Variants in GTF2H3 observed in about 807,000 individuals in gnomAD.
The protein encoded by GTF2H3 is general transcription factor IIH subunit 3, also known as TFIIH basal transcription factor complex p34 subunit.
In GTF2H3, 42 loss-of-function variants were observed where a neutral mutation model predicts 51.1. That is an observed-to-expected ratio of 0.82 (90% confidence interval 0.64 to 1.06). The LOEUF is 1.06. Among genes scored for constraint, GTF2H3 ranks in the 50% least tolerant of loss-of-function variants. The probability of loss-of-function intolerance (pLI) is 0.00; values close to 1 mark genes in which losing one functional copy is unlikely to be tolerated. For missense variants in GTF2H3, 326 were observed against 366.1 expected, an observed-to-expected ratio of 0.89 and a Z score of 0.89; for synonymous variants, 123 against 123.8, an observed-to-expected ratio of 0.99 and a Z score of 0.04.
At chr12:123,635,876 G>C (rs949497742) in intron 1 of GTF2H3, among the ~76,000 whole-genome samples, 6 of 152,334 alleles carry the variant, frequency 3.9e-5, no homozygotes, top group Middle Eastern at 3.4e-3. Flanking sequence ...GCTGTGGGTT[G>C]TCAGAGGTGG....
At chr12:123,650,103 A>G in intron 4 of GTF2H3, 1 of 152,252 alleles carries the variant, frequency 6.6e-6, no homozygotes, top group East Asian at 1.9e-4. Context: ...GCTTCACAGT[A>G]TAGTGCTCAA....
chr12:123,655,150 A>G (rs905535382), intron 8 of GTF2H3, 152 bp downstream of exon 8: 1 of 655,718 alleles, frequency 1.5e-6, no homozygotes, highest in South Asian at 1.9e-5. Context: ...TCTTTTCTCT[A>G]TTTTGGGTCC....
intron 7 of GTF2H3, among the ~76,000 whole-genome samples, chr12:123,654,338 G>A (rs1158228395): frequency 2.0e-5 from 3 of 151,332 alleles, no homozygotes; most frequent in Non-Finnish European, 4.4e-5. Context: ...TGTGTGTTGG[G>A]TGTGTGTATT....
chr12:123,637,664 G>A (rs184661890), intron 1 of GTF2H3, among the ~76,000 whole-genome samples: 25 of 151,806 alleles, frequency 1.6e-4, no homozygotes, highest in African/African-American at 3.6e-4. Flanking sequence ...CACCATGCCC[G>A]GCTAATATTT....
At chr12:123,644,627 C>T (rs190461858) in intron 2 of GTF2H3, among the ~76,000 whole-genome samples, 1 of 151,468 alleles carries the variant, frequency 6.6e-6, no homozygotes, top group South Asian at 2.1e-4. Context: ...GATCAGGCCA[C>T]TGCACTCCAG....
At chr12:123,635,881 A>G (rs1475348065) in intron 1 of GTF2H3, among the ~76,000 whole-genome samples, 1 of 152,214 alleles carries the variant, frequency 6.6e-6, no homozygotes, top group African/African-American at 2.4e-5. Flanking sequence ...GGGTTGTCAG[A>G]GGTGGGCAGT....
chr12:123,644,065 A>AGGT, intron 2 of GTF2H3, among the ~76,000 whole-genome samples: 1 of 152,242 alleles, frequency 6.6e-6, no homozygotes. Flanking sequence ...TCCTGACCAC[A>AGGT]GGTGATCTGC....
In GTF2H3 at chr12:123,659,820, A is replaced by G. The variant is rs765597746; in HGVS notation, c.710A>G (p.Gln237Arg). 2 of 1,613,278 alleles carry G rather than the reference A, an allele frequency of 1.2e-6. No homozygotes were observed. Among genetic ancestry groups the G allele is most frequent in the Admixed American group, 1.7e-5 (1 of 59,928 alleles). The change falls in exon 11 of 13, where the codon CAG becomes CGG. Residue 237 changes from glutamine to arginine, a missense_variant. Coordinates refer to ENST00000543341, the MANE Select transcript of GTF2H3 (RefSeq NM_001516.5). ...LLWVFLPDQD[Q>R]RSQLILPPPV... The stretch of plus-strand genomic sequence containing the variant: ...TGGGTGTTTCTTCCCGATCAAGATC[A>G]GAGATCTCAGTTAATCCTCCCACCC...
intron 3 of GTF2H3, among the ~76,000 whole-genome samples, chr12:123,647,076 C>A (rs572521913): frequency 7.7e-4 from 117 of 151,240 alleles, no homozygotes; most frequent in African/African-American, 2.8e-3. Flanking sequence ...TGTCGTGAAC[C>A]CGGGAGGTGG....
intron 2 of GTF2H3, among the ~76,000 whole-genome samples, chr12:123,645,163 A>G (rs915784023): frequency 1.3e-5 from 2 of 152,174 alleles, no homozygotes; most frequent in African/African-American, 4.8e-5. Flanking sequence ...CTGGCTCTCC[A>G]GGGCTTAAGC....
intron 1 of GTF2H3, among the ~76,000 whole-genome samples, chr12:123,634,359 T>C (rs1482876257): frequency 1.3e-5 from 2 of 152,202 alleles, no homozygotes; most frequent in Admixed American, 1.3e-4. Flanking sequence ...GGAGAATCAC[T>C]TGAGCCCAGG....
chr12:123,659,664 T>C (rs1955630268), intron 10 of GTF2H3, 80 bp downstream of exon 10: 1 of 1,498,720 alleles, frequency 6.7e-7, no homozygotes, highest in Non-Finnish European at 9.3e-7. Flanking sequence ...GGAAGCAAGA[T>C]GGCTGGTGCT....
chr12:123,642,480 A>G (rs1209167389), intron 2 of GTF2H3, among the ~76,000 whole-genome samples: 1 of 152,060 alleles, frequency 6.6e-6, no homozygotes, highest in Admixed American at 6.6e-5. Flanking sequence ...ATCTCTTCTT[A>G]CTTGTGATTC....
intron 1 of GTF2H3, among the ~76,000 whole-genome samples, chr12:123,638,409 G>A (rs1030732299): frequency 4.6e-5 from 7 of 151,770 alleles, no homozygotes; most frequent in Non-Finnish European, 8.8e-5. Context: ...GACCTCAAGT[G>A]ATCCCCCCTC....
chr12:123,637,186 CTT>C (rs1955296684), intron 1 of GTF2H3, among the ~76,000 whole-genome samples: 1 of 152,078 alleles, frequency 6.6e-6, no homozygotes, highest in African/African-American at 2.4e-5. Context: ...AGTATAGTCT[CTT>C]TGAGGGGTTG....
At chr12:123,657,126 A>C (rs1955596547) in intron 9 of GTF2H3, among the ~76,000 whole-genome samples, 1 of 152,112 alleles carries the variant, frequency 6.6e-6, no homozygotes, top group African/African-American at 2.4e-5. Context: ...TGTCAGAATG[A>C]AGCTTTCAAA....
In GTF2H3 at chr12:123,647,997, G is replaced by C; in HGVS notation, c.235G>C (p.Gly79Arg). The change falls in exon 4 of 13, where the codon GGA (glycine) becomes CGA (arginine). Residue 79 changes from glycine (G) to arginine (R), a missense_variant. By Grantham distance (125) the Gly-to-Arg change is moderately radical. Coordinates refer to ENST00000543341, the MANE Select transcript of GTF2H3 (RefSeq NM_001516.5). ...ATATCCTGGAAAGAATGGCAGACTT[G>C]GAGACTTCTTCGGAGACCCTGGCAA... ...FLYPGKNGRL[G>R]DFFGDPGNPP... is the part of the protein sequence containing the mutation. The C allele has an allele frequency of 6.2e-7, 1 of 1,613,668 alleles. No homozygotes were observed. Among genetic ancestry groups the C allele is most frequent in the Non-Finnish European group, 8.5e-7 (1 of 1,179,808 alleles).
At chr12:123,642,691 C>A (rs899884900) in intron 2 of GTF2H3, among the ~76,000 whole-genome samples, 1 of 152,140 alleles carries the variant, frequency 6.6e-6, no homozygotes, top group Non-Finnish European at 1.5e-5. Context: ...CCACCCCTTC[C>A]CCATGTTCTT....
intron 1 of GTF2H3, among the ~76,000 whole-genome samples, chr12:123,634,878 T>A (rs1955253280): frequency 6.6e-6 from 1 of 152,220 alleles, no homozygotes; most frequent in Non-Finnish European, 1.5e-5. Flanking sequence ...TTAGGTGCAA[T>A]ACAAAGACAT....
Sources: gnomAD v4.1 joint callset for allele counts (sites outside exome capture counted in the v4.1 genomes callset) on GRCh38, gnomAD v4.1.1 for gene constraint, MANE v1.5 for transcripts, NCBI Gene and HGNC (gene_info 2026-07-23, HGNC 2026-07-21) for gene names.